The following FXYD7 variants were observed in gnomAD, a reference collection of about 807,000 sequenced individuals.
FXYD7 encodes FXYD domain containing ion transport regulator 7, also known as FXYD domain-containing ion transport regulator 7.
Under a neutral mutation model 15.3 loss-of-function variants are expected in FXYD7, and 7 were observed. That is an observed-to-expected ratio of 0.46 (90% CI 0.26 to 0.86). The LOEUF (loss-of-function observed/expected upper bound fraction) is 0.86, where lower values mean the gene tolerates loss of function less well. Among genes scored for constraint, FXYD7 ranks in the 40% least tolerant of loss-of-function variants. The pLI, the probability that FXYD7 is intolerant of heterozygous loss-of-function variation, is 0.16. For missense variants in FXYD7, 78 were observed against 100.6 expected, an observed-to-expected ratio of 0.78 and a Z score of 0.96; for synonymous variants, 39 against 39.3, an observed-to-expected ratio of 0.99 and a Z score of 0.03.
At chr19:35,147,038 C>T (rs1453662308) in intron 1 of FXYD7, among the ~76,000 whole-genome samples, 2 of 152,190 alleles carry the variant, frequency 1.3e-5, no homozygotes, top group African/African-American at 4.8e-5. Context: ...CTTATGACAA[C>T]CAGGTTCACG....
At chr19:35,147,073 G>C (rs1348427449) in intron 1 of FXYD7, among the ~76,000 whole-genome samples, 2 of 152,222 alleles carry the variant, frequency 1.3e-5, no homozygotes, top group African/African-American at 4.8e-5. Context: ...AGGTTGACCA[G>C]TCACCAAAGA....
Position 35,154,124 on chromosome 19 carries a change from A to AGCCTCCAGCTCCCCCAAAGAG in FXYD7, c.*208_*209insGCCTCCAGCTCCCCCAAAGAG. 1.8e-6 allele frequency: 1 copy of AGCCTCCAGCTCCCCCAAAGAG among 545,990 alleles called. No homozygotes were observed. Among genetic ancestry groups the AGCCTCCAGCTCCCCCAAAGAG allele is most frequent in the Non-Finnish European group, 3.2e-6 (1 of 310,374 alleles). The allele number at this position is 545,990 out of a possible 1,614,324, so 33.8% of individuals were successfully genotyped here. A position where few individuals can be genotyped will look rare whatever the true frequency, so the allele number is the denominator to read the frequency against. Reference sequence around the variant, plus strand: ...CCCAAAGAGCCCGTCTGCACCCCAGACCCAGGGCCTCAGGCCTCCAGCTCC... The same window carrying AGCCTCCAGCTCCCCCAAAGAG: ...CCCAAAGAGCCCGTCTGCACCCCAGAGCCTCCAGCTCCCCCAAAGAGCCCAGGGCCTCAGGCCTCCAGCTCC... On this transcript the variant is annotated 3_prime_UTR_variant, in exon 6 of 6. Transcript: ENST00000270310.
intron 5 of FXYD7, among the ~76,000 whole-genome samples, chr19:35,153,040 T>TTTTTTTTTTTG (rs2065320515): frequency 1.7e-5 from 2 of 114,690 alleles, no homozygotes; most frequent in African/African-American, 6.9e-5. Flanking sequence ...TTCCTTTTTT[T>TTTTTTTTTTTG]TTTTTTTTTT....
At chr19:35,148,849 A>C in intron 2 of FXYD7, 126 bp downstream of exon 2, 1 of 860,380 alleles carries the variant, frequency 1.2e-6, no homozygotes, top group Non-Finnish European at 2.0e-6. Context: ...GGGACCATAT[A>C]TGTGGGTGTG....
At chr19:35,146,298 C>G (rs2065288746) in intron 1 of FXYD7, among the ~76,000 whole-genome samples, 1 of 152,142 alleles carries the variant, frequency 6.6e-6, no homozygotes, top group Admixed American at 6.6e-5. Context: ...ACCACCACAC[C>G]CAGCTAATTT....
At chr19:35,148,212 G>T (rs569367146) in intron 1 of FXYD7, among the ~76,000 whole-genome samples, 86 of 152,298 alleles carry the variant, frequency 5.6e-4, no homozygotes, top group African/African-American at 1.4e-3. Context: ...AGGAGTGAGT[G>T]GATGTCAGCA....
At chr19:35,148,077 AAGAAAGAAAGAAAGAAAGAG>A (rs1412072201) in intron 1 of FXYD7, among the ~76,000 whole-genome samples, 26 of 127,816 alleles carry the variant, frequency 2.0e-4, no homozygotes, top group African/African-American at 8.2e-4. Flanking sequence ...GAAAGAAAGA[AAGAAAGAAAGAAAGAAAGAG>A]AGAGAGAAAG....
chr19:35,151,163 G>A (rs571290031), intron 2 of FXYD7, 91 bp from the exon 3 acceptor site: 2 of 842,804 alleles, frequency 2.4e-6, no homozygotes, highest in Admixed American at 1.7e-5. Flanking sequence ...GCGATTCTGG[G>A]TTCCTGGCTG....
At chr19:35,145,365 AGAGGAGGATCTTCCGCATG>A (rs2065285791) in intron 1 of FXYD7, among the ~76,000 whole-genome samples, 2 of 152,242 alleles carry the variant, frequency 1.3e-5, no homozygotes, top group Admixed American at 6.5e-5. Flanking sequence ...AGCAGGGACC[AGAGGAGGATCTTCCGCATG>A]GAGGAGGATC....
chr19:35,151,543 C>A, intron 4 of FXYD7, 61 bp downstream of exon 4: 1 of 1,592,904 alleles, frequency 6.3e-7, no homozygotes, highest in Non-Finnish European at 8.6e-7. Flanking sequence ...AGCAGATGGG[C>A]AGGATCCACT....
chr19:35,152,173 AGG>A (rs2065313622), intron 5 of FXYD7, among the ~76,000 whole-genome samples: 1 of 135,608 alleles, frequency 7.4e-6, no homozygotes, highest in African/African-American at 2.7e-5. Context: ...GAAGAAATGA[AGG>A]AAGGAAGGGA....
chr19:35,146,548 G>A (rs566597504), intron 1 of FXYD7, among the ~76,000 whole-genome samples: 2 of 152,342 alleles, frequency 1.3e-5, no homozygotes, highest in African/African-American at 2.4e-5. Context: ...TGGGGATGAA[G>A]ATCGCACCCA....
At chr19:35,151,934 A>G (rs1274905848) in intron 5 of FXYD7, among the ~76,000 whole-genome samples, 3 of 151,808 alleles carry the variant, frequency 2.0e-5, no homozygotes, top group South Asian at 4.2e-4. Context: ...AGGTCAGGAG[A>G]TCGAGATCAG....
intron 1 of FXYD7, among the ~76,000 whole-genome samples, chr19:35,147,558 T>C (rs575570131): frequency 6.6e-6 from 1 of 152,290 alleles, no homozygotes; most frequent in East Asian, 1.9e-4. Context: ...CATGTGAACA[T>C]TTCTGAAATC....
At chr19:35,148,242 G>A (rs1035280511) in intron 1 of FXYD7, among the ~76,000 whole-genome samples, 3 of 152,144 alleles carry the variant, frequency 2.0e-5, no homozygotes, top group African/African-American at 7.2e-5. Context: ...GGTGCCTGTC[G>A]GAGCTCTCAG....
At chr19:35,150,239 A>G (rs532717911) in intron 2 of FXYD7, among the ~76,000 whole-genome samples, 7 of 152,128 alleles carry the variant, frequency 4.6e-5, no homozygotes, top group Non-Finnish European at 7.4e-5. Flanking sequence ...TACATAAAAA[A>G]TTTAAAAATT....
intron 2 of FXYD7, chr19:35,149,429 C>A (rs1320050646): frequency 1.5e-5 from 3 of 195,042 alleles, no homozygotes; most frequent in African/African-American, 4.6e-5. Context: ...ATAGACTACT[C>A]TACTGGGATA....
rs1304035378 is a variant in FXYD7, at chr19:35,143,396, G to A, written c.31+32G>A. ...GTCGTTTGGGGAGGGGGTTGCAGGGGGGCTCCGGGATCTGAGAGCCTAGGA... is the reference window on the plus strand; with the variant it reads ...GTCGTTTGGGGAGGGGGTTGCAGGGAGGCTCCGGGATCTGAGAGCCTAGGA... On this transcript the variant is annotated intron_variant, in intron 1 of 5. Transcript: ENST00000270310. The surrounding 1 kb of genome is among the most constrained non-coding windows in gnomAD (Gnocchi z 4.3). The A allele has an allele frequency of 1.3e-6, 2 of 1,484,180 alleles. No individual in the cohort carries two copies. Among genetic ancestry groups the A allele is most frequent in the South Asian group, 2.5e-5 (2 of 78,440 alleles). The allele number at this position is 1,484,180 out of a possible 1,614,324, so 91.9% of individuals were successfully genotyped here. A position where few individuals can be genotyped will look rare whatever the true frequency, so the allele number is the denominator to read the frequency against.
intron 1 of FXYD7, among the ~76,000 whole-genome samples, chr19:35,147,930 T>A (rs2065293988): frequency 6.7e-6 from 1 of 149,598 alleles, no homozygotes; most frequent in South Asian, 2.1e-4. Flanking sequence ...GAGATGGAGG[T>A]TGTAGTGAGC....
Sources: allele counts gnomAD v4.1 joint callset (sites outside exome capture counted in the v4.1 genomes callset), GRCh38; gene constraint gnomAD v4.1.1; non-coding constraint Gnocchi (gnomAD v3.1); transcripts MANE v1.5; gene names NCBI Gene and HGNC (gene_info 2026-07-23, HGNC 2026-07-21).